The following GPC5 variants were observed in gnomAD, a reference collection of about 807,000 sequenced individuals.
The protein encoded by GPC5 is glypican-5.
A neutral mutation model predicts 53.9 loss-of-function variants in GPC5; 47 were observed. The ratio of observed to expected loss-of-function variants is 0.87; its 90% CI spans 0.69 to 1.11. The LOEUF is 1.11. GPC5 is among the 50% of genes most tolerant of loss of function. The pLI is 0.00. For synonymous variants in GPC5, 286 were observed against 263.3 expected, an observed-to-expected ratio of 1.09 and a Z score of -0.84; for missense variants, 748 against 713.1, an observed-to-expected ratio of 1.05 and a Z score of -0.56.
intron 7 of GPC5, among the ~76,000 whole-genome samples, chr13:92,572,432 T>C (rs554587331): frequency 6.6e-6 from 1 of 152,294 alleles, no homozygotes; most frequent in East Asian, 1.9e-4. Flanking sequence ...TTCTTTGTTG[T>C]GTTCTTTGTT....
intron 7 of GPC5, among the ~76,000 whole-genome samples, chr13:92,815,307 A>T (rs1213974254): frequency 4.6e-5 from 7 of 152,036 alleles, no homozygotes. Flanking sequence ...AGAGATAACC[A>T]ATGAAGTTCC....
intron 7 of GPC5, among the ~76,000 whole-genome samples, chr13:92,808,058 C>A (rs578215409): frequency 1.3e-5 from 2 of 152,082 alleles, no homozygotes; most frequent in South Asian, 4.2e-4. Flanking sequence ...TAGTTGGCAC[C>A]AACTCAGGGT....
intron 7 of GPC5, among the ~76,000 whole-genome samples, chr13:92,764,931 A>G (rs1281875107): frequency 1.3e-5 from 2 of 152,170 alleles, no homozygotes; most frequent in Admixed American, 1.3e-4. Context: ...AGCAAAAAAA[A>G]GGGAAATTTG....
intron 7 of GPC5, among the ~76,000 whole-genome samples, chr13:92,381,503 G>A (rs2043738620): frequency 6.6e-6 from 1 of 152,106 alleles, no homozygotes; most frequent in South Asian, 2.1e-4. Context: ...AAAAACAGTA[G>A]TTGTTGGTGT....
chr13:91,885,112 C>T (rs911157218), intron 5 of GPC5, among the ~76,000 whole-genome samples: 3 of 152,112 alleles, frequency 2.0e-5, no homozygotes, highest in Non-Finnish European at 4.4e-5. Context: ...TTCACAGTTT[C>T]CTAATGCTTG....
intron 2 of GPC5, among the ~76,000 whole-genome samples, chr13:91,520,183 A>C (rs1470543422): frequency 6.6e-6 from 1 of 152,190 alleles, no homozygotes; most frequent in Non-Finnish European, 1.5e-5. Context: ...GTGAAATATA[A>C]ATTGATTTTA....
intron 7 of GPC5, among the ~76,000 whole-genome samples, chr13:92,514,777 T>G (rs754825887): frequency 2.0e-5 from 3 of 152,168 alleles, no homozygotes; most frequent in Non-Finnish European, 4.4e-5. Context: ...AATTATCTAG[T>G]GAGTCAGACA....
chr13:92,305,439 G>C (rs953967569), intron 7 of GPC5, among the ~76,000 whole-genome samples: 2 of 151,868 alleles, frequency 1.3e-5, no homozygotes, highest in African/African-American at 4.8e-5. Flanking sequence ...CAAAATATCT[G>C]TACCCCAGCC....
chr13:91,885,882 G>A (rs1259709310), intron 5 of GPC5, among the ~76,000 whole-genome samples: 1 of 152,092 alleles, frequency 6.6e-6, no homozygotes, highest in Non-Finnish European at 1.5e-5. Flanking sequence ...CTTATGGTTT[G>A]AAAGTCATAT....
chr13:92,541,321 T>TA, intron 7 of GPC5, among the ~76,000 whole-genome samples: 1 of 151,940 alleles, frequency 6.6e-6, no homozygotes, highest in East Asian at 1.9e-4. Context: ...TCCAGTATTT[T>TA]AAAAATATTA....
At chr13:91,623,027 A>G (rs1463512816) in intron 2 of GPC5, among the ~76,000 whole-genome samples, 1 of 152,124 alleles carries the variant, frequency 6.6e-6, no homozygotes, top group African/African-American at 2.4e-5. Flanking sequence ...AGGCCTCAAG[A>G]TAGGGGAAGA....
At chr13:92,430,044 AAT>A (rs1877016359) in intron 7 of GPC5, among the ~76,000 whole-genome samples, 1 of 152,090 alleles carries the variant, frequency 6.6e-6, no homozygotes, top group Non-Finnish European at 1.5e-5. Context: ...GCCATTTCAC[AAT>A]GTATAACTAT....
intron 7 of GPC5, among the ~76,000 whole-genome samples, chr13:92,468,491 T>G (rs1010379592): frequency 6.6e-6 from 1 of 152,048 alleles, no homozygotes; most frequent in Non-Finnish European, 1.5e-5. Flanking sequence ...ACAAATCAAA[T>G]AGACATGAGC....
intron 7 of GPC5, among the ~76,000 whole-genome samples, chr13:92,715,968 T>C (rs1363539143): frequency 6.6e-6 from 1 of 152,202 alleles, no homozygotes; most frequent in Non-Finnish European, 1.5e-5. Context: ...GATTTTAACA[T>C]GTAGTTTACT....
chr13:92,029,150 A>G (rs1459819229), intron 6 of GPC5, among the ~76,000 whole-genome samples: 1 of 152,174 alleles, frequency 6.6e-6, no homozygotes, highest in Non-Finnish European at 1.5e-5. Flanking sequence ...AGAAATCATT[A>G]CACAGGTAGT....
intron 7 of GPC5, among the ~76,000 whole-genome samples, chr13:92,531,801 A>G (rs146651802): frequency 0.01 from 1,539 of 152,312 alleles, 10 homozygotes; most frequent in Non-Finnish European, 0.016. Flanking sequence ...GGAAGGATAT[A>G]CTACCATTTT....
At chr13:91,990,193 A>T (rs1255177415) in intron 6 of GPC5, among the ~76,000 whole-genome samples, 1 of 152,222 alleles carries the variant, frequency 6.6e-6, no homozygotes, top group African/African-American at 2.4e-5. Flanking sequence ...TACCACAGGG[A>T]CTACAAGTTA....
At chr13:92,326,178 G>A (rs2043249441) in intron 7 of GPC5, among the ~76,000 whole-genome samples, 1 of 151,998 alleles carries the variant, frequency 6.6e-6, no homozygotes, top group Non-Finnish European at 1.5e-5. Flanking sequence ...TTTATGAAAA[G>A]AAAATGAAAA....
At chr13:92,269,940 A>G (rs2042828601) in intron 7 of GPC5, among the ~76,000 whole-genome samples, 1 of 152,134 alleles carries the variant, frequency 6.6e-6, no homozygotes, top group African/African-American at 2.4e-5. Context: ...ACCAAAGTCT[A>G]TTTCAATGCA....
Sources: allele counts gnomAD v4.1 joint callset (sites outside exome capture counted in the v4.1 genomes callset), GRCh38; gene constraint gnomAD v4.1.1; transcripts MANE v1.5; gene names NCBI Gene and HGNC (gene_info 2026-07-23, HGNC 2026-07-21).